HYDIN: variants seen among roughly 807,000 people sequenced by gnomAD.
HYDIN encodes HYDIN axonemal central pair apparatus protein.
In HYDIN, 132 loss-of-function variants were observed where a neutral mutation model predicts 403.9. The observed-to-expected ratio is 0.33, with a 90% CI of 0.28 to 0.38. The LOEUF (loss-of-function observed/expected upper bound fraction) is 0.38. Ranked by LOEUF, HYDIN falls within the 10% of genes least tolerant of loss-of-function variation. The probability of loss-of-function intolerance (pLI) is 1.00; values close to 1 mark genes in which losing one functional copy is unlikely to be tolerated. For synonymous variants in HYDIN, 1,202 were observed against 1,891.7 expected (o/e 0.64, Z 9.46); for missense variants, 2,827 against 5,009.5 (o/e 0.56, Z 13.15).
chr16:71,051,645 C>CAAAAAA (rs56676777), intron 18 of HYDIN, among the ~76,000 whole-genome samples: 614 of 119,490 alleles, frequency 5.1e-3, no homozygotes, highest in African/African-American at 0.012. Flanking sequence ...GACTCTGTCT[C>CAAAAAA]AAAAAAAAAA....
intron 7 of HYDIN, among the ~76,000 whole-genome samples, chr16:71,150,204 T>C (rs2085485174): frequency 1.3e-5 from 2 of 151,406 alleles, no homozygotes. Flanking sequence ...AAGGGAAACT[T>C]GAAAAATAAA....
chr16:70,942,991 T>C (rs1040565913), intron 42 of HYDIN, among the ~76,000 whole-genome samples: 1 of 152,126 alleles, frequency 6.6e-6, no homozygotes, highest in Non-Finnish European at 1.5e-5. Context: ...ACATAAAAAC[T>C]TTCTTGTGAT....
In HYDIN at chr16:70,862,080, G is replaced by C. The variant is rs762191161; in HGVS notation, c.11745C>G (p.Asp3915Glu). Reference sequence around the variant, plus strand: ...AAAGGTTGCTCTCGAAGTCTCCAATGTCCAACGGGGAGAATTTTACTTTGA... The same window carrying C: ...AAAGGTTGCTCTCGAAGTCTCCAATCTCCAACGGGGAGAATTTTACTTTGA... The part of the protein sequence containing the change: ...QKFKVKFSPL[D>E]IGDFESNLFC... The change falls in exon 69 of 86, where the codon GAC becomes GAG. Residue 3915 changes from aspartate to glutamate, a missense_variant. Transcript: ENST00000393567. 4 of 1,604,226 alleles carry C rather than the reference G, an allele frequency of 2.5e-6. No homozygotes were observed. The South Asian group carries it at 4.5e-5, about 18-fold the overall frequency.
intron 25 of HYDIN, among the ~76,000 whole-genome samples, chr16:70,990,729 A>T (rs1037983813): frequency 6.6e-6 from 1 of 152,218 alleles, no homozygotes; most frequent in African/African-American, 2.4e-5. Flanking sequence ...TACATGCTTT[A>T]TGCAAGTGCA....
At chr16:71,169,482 T>A (rs2086375570) in intron 5 of HYDIN, among the ~76,000 whole-genome samples, 1 of 152,134 alleles carries the variant, frequency 6.6e-6, no homozygotes, top group Non-Finnish European at 1.5e-5. Context: ...GAATACTATG[T>A]AATCTTAAAA....
intron 83 of HYDIN, among the ~76,000 whole-genome samples, chr16:70,820,265 C>T (rs1403314365): frequency 1.4e-5 from 2 of 143,704 alleles, no homozygotes; most frequent in East Asian, 2.0e-4. Flanking sequence ...ATCTCGGCTC[C>T]CGGCAAGCTC....
intron 39 of HYDIN, among the ~76,000 whole-genome samples, chr16:70,958,669 A>G (rs531361818): frequency 6.6e-5 from 10 of 151,994 alleles, no homozygotes; most frequent in Admixed American, 2.6e-4. Flanking sequence ...CTGATTTACA[A>G]CTTCTCAAGG....
chr16:71,149,560 T>G (rs1387566529), intron 7 of HYDIN, among the ~76,000 whole-genome samples: 1 of 152,216 alleles, frequency 6.6e-6, no homozygotes, highest in Non-Finnish European at 1.5e-5. Flanking sequence ...GGAGTCTTGC[T>G]CTGTTGCCCA....
chr16:70,989,977 A>C (rs2079293130), intron 25 of HYDIN, among the ~76,000 whole-genome samples: 1 of 152,354 alleles, frequency 6.6e-6, no homozygotes, highest in East Asian at 1.9e-4. Flanking sequence ...AGTAGCTAAG[A>C]GCAAGCAAGA....
At chr16:71,065,396 T>G (rs896495702) in intron 15 of HYDIN, among the ~76,000 whole-genome samples, 95 of 106,984 alleles carry the variant, frequency 8.9e-4, no homozygotes, top group South Asian at 1.2e-3. Flanking sequence ...ATGGCGGGGG[T>G]GAGGTGGGGG....
At chr16:70,990,550 T>G (rs1477242586) in intron 25 of HYDIN, among the ~76,000 whole-genome samples, 1 of 151,416 alleles carries the variant, frequency 6.6e-6, no homozygotes, top group Non-Finnish European at 1.5e-5. Context: ...ATATCAAAGA[T>G]TGTGCCAAAT....
chr16:70,902,436 T>C (rs1172313479), intron 52 of HYDIN, among the ~76,000 whole-genome samples: 2 of 150,070 alleles, frequency 1.3e-5, no homozygotes, highest in Non-Finnish European at 3.0e-5. Context: ...GGCAAAACCC[T>C]GTCTCTACTA....
chr16:70,968,907 T>A (rs1043558130), intron 36 of HYDIN, among the ~76,000 whole-genome samples: 1 of 151,620 alleles, frequency 6.6e-6, no homozygotes, highest in East Asian at 1.9e-4. Context: ...TGAACATACT[T>A]GAAGCAAATA....
Position 70,992,175 on chromosome 16 carries a change from G to A in HYDIN, c.3680C>T (p.Pro1227Leu). 6.2e-7 allele frequency: 1 copy of A among 1,609,326 alleles called. No individual in the cohort carries two copies. Among genetic ancestry groups the A allele is most frequent in the Non-Finnish European group, 8.5e-7 (1 of 1,177,934 alleles). ...VTLPKKPYSA[P>L]VSQMESIPAT... The stretch of plus-strand genomic sequence containing the variant: ...TGGGATGGACTCCATCTGGGACACT[G>A]GGGCACTGTAGGGCTTCTTCGGCAA... Residue 1227 changes from proline to leucine, a missense_variant, in exon 24 of 86, where the codon CCA becomes CTA. By Grantham distance (98) the Pro-to-Leu change is moderately conservative (BLOSUM62 -3). Coordinates refer to ENST00000393567, the MANE Select transcript of HYDIN (RefSeq NM_001270974.2).
At position 70,808,004 on chromosome 16, in the gene HYDIN, C is replaced by T. The variant is rs1328215143; in HGVS notation, c.14942G>A (p.Gly4981Glu). ...KLINAAPGGQ[G>E]GTEASVEVLF... ...GACTTCCACACTGGCTTCAGTGCCT[C>T]CCTGGCCTCCTGGGGCTGCATTAAT... Residue 4981 changes from glycine to glutamate, a missense_variant, in exon 86 of 86, where the codon GGA becomes GAA. Physicochemically the swap from Gly to Glu is moderately conservative, Grantham distance 98. Transcript: ENST00000393567. 6.2e-7 allele frequency: 1 copy of T among 1,614,036 alleles called. No homozygotes were observed. The highest frequency in any genetic ancestry group is 8.5e-7 in the Non-Finnish European group (1 of 1,179,986).
In HYDIN at chr16:71,031,674, C is replaced by G; in HGVS notation, c.2768+5G>C. The G allele has an allele frequency of 6.3e-7, 1 of 1,597,386 alleles. No homozygotes were observed. Among genetic ancestry groups the G allele is most frequent in the African/African-American group, 1.4e-5 (1 of 71,544 alleles). ...TATAAAAACTGGTCCATGAGATTTC[C>G]TTACCTAAAATGTGCCCCCAAATTG... On this transcript the variant is annotated splice_donor_5th_base_variant and intron_variant, in intron 19 of 85. Transcript: ENST00000393567.
intron 80 of HYDIN, among the ~76,000 whole-genome samples, chr16:70,832,568 AG>A (rs1031243203): frequency 3.3e-5 from 5 of 152,298 alleles, no homozygotes; most frequent in African/African-American, 1.2e-4. Flanking sequence ...ATAGAAAAGG[AG>A]AAAGGTGTTA....
chr16:70,903,077 G>A (rs530359028), intron 52 of HYDIN, among the ~76,000 whole-genome samples: 1,725 of 135,114 alleles, frequency 0.013, 50 homozygotes, highest in African/African-American at 0.048. Flanking sequence ...TTATTACTTA[G>A]TTCTTTAATT....
At chr16:70,819,578 T>C (rs12102574) in intron 83 of HYDIN, among the ~76,000 whole-genome samples, 5,140 of 145,580 alleles carry the variant, frequency 0.035, 268 homozygotes, top group African/African-American at 0.12. Context: ...AACGGACTTC[T>C]TGTGCTGCTC....
Sources: allele counts gnomAD v4.1 joint callset (sites outside exome capture counted in the v4.1 genomes callset), GRCh38; gene constraint gnomAD v4.1.1; transcripts MANE v1.5; gene names NCBI Gene and HGNC (gene_info 2026-07-23, HGNC 2026-07-21).